POMZP3: variants seen among roughly 807,000 people sequenced by gnomAD.
POMZP3 encodes the protein POM121 and ZP3 fusion, also known as POM121 and ZP3 fusion protein.
A neutral mutation model predicts 19.8 loss-of-function variants in POMZP3; 10 were observed. The observed-to-expected ratio is 0.51, with a 90% CI of 0.31 to 0.86. The LOEUF (loss-of-function observed/expected upper bound fraction) is 0.86, where lower values mean the gene tolerates loss of function less well. Among genes scored for constraint, POMZP3 ranks in the 40% least tolerant of loss-of-function variants. POMZP3 has a pLI of 0.04. For synonymous variants in POMZP3, 57 were observed against 85.8 expected (o/e 0.66, Z 1.85); for missense variants, 152 against 228.1 (o/e 0.67, Z 2.15).
At chr7:76,625,200 C>T (rs1445325551) in intron 3 of POMZP3, among the ~76,000 whole-genome samples, 1 of 147,626 alleles carries the variant, frequency 6.8e-6, no homozygotes, top group South Asian at 2.2e-4. Flanking sequence ...CACAAAATTC[C>T]GACCAGAAGA....
intron 4 of POMZP3, among the ~76,000 whole-genome samples, chr7:76,614,877 A>T (rs1483583956): frequency 5.1e-5 from 5 of 98,894 alleles, no homozygotes; most frequent in South Asian, 7.7e-4. Context: ...AAAAAAAAAA[A>T]GTACACAGGG....
chr7:76,622,759 TG>T (rs1313845817), intron 3 of POMZP3, among the ~76,000 whole-genome samples: 2 of 151,914 alleles, frequency 1.3e-5, no homozygotes, highest in African/African-American at 2.4e-5. Context: ...CACTGCAGCC[TG>T]GAACTCCTGA....
intron 3 of POMZP3, among the ~76,000 whole-genome samples, chr7:76,620,794 A>C (rs933980998): frequency 2.7e-5 from 4 of 149,238 alleles, no homozygotes; most frequent in African/African-American, 9.9e-5. Flanking sequence ...ACATGTTCCA[A>C]GGGGCTGGGA....
rs1460873718 is a variant in POMZP3 at position 76,615,986 on chromosome 7, A to AC, written c.345+2196_345+2197insG. ...CAGAGACCCTCTCAAAAAAAAAAAA[A>AC]AAAGGGGGGGGGGGCAGGTGGCACG... On this transcript the variant is annotated intron_variant, in intron 4 of 6. Coordinates refer to ENST00000310842, the MANE Select transcript of POMZP3 (RefSeq NM_012230.5). Among the ~76,000 whole-genome samples, 5 of 61,710 alleles carry AC rather than the reference A, an allele frequency of 8.1e-5. 2 individuals are homozygous for AC. In the East Asian group the frequency reaches 1.8e-3, roughly 22 times the overall value. 40.5% of individuals were successfully genotyped at this position (61,710 alleles called of 152,430 possible). A position where few individuals can be genotyped will look rare whatever the true frequency, so the allele number is the denominator to read the frequency against.
At chr7:76,623,789 G>A (rs560590196) in intron 3 of POMZP3, among the ~76,000 whole-genome samples, 5 of 152,040 alleles carry the variant, frequency 3.3e-5, no homozygotes, top group African/African-American at 1.2e-4. Flanking sequence ...CTGACAGAGC[G>A]AGAATCCGCC....
At chr7:76,621,794 GC>G (rs1281654412) in intron 3 of POMZP3, among the ~76,000 whole-genome samples, 7 of 151,532 alleles carry the variant, frequency 4.6e-5, no homozygotes, top group Non-Finnish European at 8.8e-5. Flanking sequence ...CAAAAAAGTA[GC>G]CGGATATGGT....
In POMZP3 at chr7:76,622,374, G is replaced by GTT. The variant is rs757086256; in HGVS notation, c.227+3146_227+3147dup. Among the ~76,000 whole-genome samples the GTT allele has an allele frequency of 1.2e-3, 78 of 62,796 alleles. 1 individual carries two copies. The highest frequency in any genetic ancestry group is 2.8e-3 in the South Asian group (5 of 1,794). 41.2% of individuals were successfully genotyped at this position (62,796 alleles called of 152,430 possible). Reference sequence around the variant, plus strand: ...TTTCCTGTAACACTATCATTCTCAAGTTTTTTTTTTTTTTTTTTTTTTGAG... The same window carrying GTT: ...TTTCCTGTAACACTATCATTCTCAAGTTTTTTTTTTTTTTTTTTTTTTTTGAG... On this transcript the variant is annotated intron_variant, in intron 3 of 6. Coordinates refer to ENST00000310842, the MANE Select transcript of POMZP3 (RefSeq NM_012230.5).
intron 3 of POMZP3, among the ~76,000 whole-genome samples, chr7:76,624,023 T>G (rs1328624681): frequency 7.0e-6 from 1 of 142,838 alleles, no homozygotes; most frequent in African/African-American, 2.7e-5. Context: ...TGAGGATGTA[T>G]TTTTGGTAAA....
intron 3 of POMZP3, among the ~76,000 whole-genome samples, chr7:76,618,943 A>G (rs572575406): frequency 4.1e-4 from 62 of 152,180 alleles, no homozygotes; most frequent in Middle Eastern, 3.4e-3. Context: ...GTGCACCACC[A>G]TGTCAGGCCG....
At chr7:76,624,666 G>T (rs572524094) in intron 3 of POMZP3, among the ~76,000 whole-genome samples, 1 of 146,452 alleles carries the variant, frequency 6.8e-6, no homozygotes, top group Non-Finnish European at 1.5e-5. Flanking sequence ...GGCTGGTCTC[G>T]AACTCCTGAC....
intron 6 of POMZP3, 113 bp downstream of exon 6, chr7:76,611,341 T>A (rs866847986): frequency 3.5e-6 from 4 of 1,153,942 alleles, no homozygotes; most frequent in Middle Eastern, 6.4e-4. Context: ...CAGGCCTAGG[T>A]ACAAACAGTT....
At position 76,626,211 on chromosome 7, in the gene POMZP3, G is replaced by T. The variant is rs752667364; in HGVS notation, c.-147C>A. 4.4e-4 allele frequency: 682 copies of T among 1,552,216 alleles called. 2 individuals carry two copies. Among genetic ancestry groups the T allele is most frequent in the Admixed American group, 1.0e-3 (53 of 51,198 alleles). ...ACAAACCGATCTGGTAAAGTCCCAC[G>T]ATCCCTGCAGAGAATGCGAGACAAA... On this transcript the variant is annotated 5_prime_UTR_variant, in exon 2 of 7. Coordinates refer to ENST00000310842, the MANE Select transcript of POMZP3 (RefSeq NM_012230.5).
intron 3 of POMZP3, among the ~76,000 whole-genome samples, chr7:76,621,609 C>T (rs1584350782): frequency 6.6e-6 from 1 of 151,790 alleles, no homozygotes; most frequent in Admixed American, 6.6e-5. Context: ...GGGAGGTTGG[C>T]ACAAGATGCA....
In POMZP3 at chr7:76,611,958, G is replaced by A. The variant is rs1459345434; in HGVS notation, c.346-145C>T. ...ACACACCTATAATCCCAGCACTTTGGGAGGCCAAGGCGGGTATATCACCTG... is the reference window on the plus strand; with the variant it reads ...ACACACCTATAATCCCAGCACTTTGAGAGGCCAAGGCGGGTATATCACCTG... On this transcript the variant is annotated intron_variant, in intron 4 of 6. Transcript: ENST00000310842. 19 of 1,469,230 alleles carry A rather than the reference G, an allele frequency of 1.3e-5. No individual in the cohort carries two copies. In the Admixed American group the frequency reaches 3.9e-4, roughly 30 times the overall value. 91.0% of individuals were successfully genotyped at this position (1,469,230 alleles called of 1,614,324 possible).
chr7:76,626,992 G>A lies in POMZP3; in HGVS notation c.-436C>T. ...TCCGTTGGCTGTCGACTTGGCCGGAGGCGAAGCGAACAGTGTTCGCCGATG... is the reference window on the plus strand; with the variant it reads ...TCCGTTGGCTGTCGACTTGGCCGGAAGCGAAGCGAACAGTGTTCGCCGATG... On this transcript the variant is annotated 5_prime_UTR_variant, in exon 1 of 7. Transcript: ENST00000310842. The A allele has an allele frequency of 1.5e-6, 2 of 1,374,216 alleles. No individual in the cohort carries two copies. The highest frequency in any genetic ancestry group is 1.5e-5 in the South Asian group (1 of 67,112). The allele number at this position is 1,374,216 out of a possible 1,614,324, so 85.1% of individuals were successfully genotyped here.
At chr7:76,615,946 C>T (rs1278299752) in intron 4 of POMZP3, among the ~76,000 whole-genome samples, 1 of 58,378 alleles carries the variant, frequency 1.7e-5, no homozygotes, top group Non-Finnish European at 3.1e-5. Context: ...GGCCACTGTA[C>T]TCCAGCCTGG....
chr7:76,613,473 T>C (rs1321745516), intron 4 of POMZP3, among the ~76,000 whole-genome samples: 1 of 109,378 alleles, frequency 9.1e-6, no homozygotes, highest in Non-Finnish European at 2.0e-5. Flanking sequence ...ACCCAGGGAA[T>C]AGTCAACTAC....
Position 76,626,228 on chromosome 7 carries a change from C to T in POMZP3, c.-151-13G>A. On this transcript the variant is annotated splice_polypyrimidine_tract_variant and intron_variant, in intron 1 of 6. Coordinates refer to ENST00000310842, the MANE Select transcript of POMZP3 (RefSeq NM_012230.5). ...AGTCCCACGATCCCTGCAGAGAATGCGAGACAAATCATGGAAACAAAGTAT... is the reference window on the plus strand; with the variant it reads ...AGTCCCACGATCCCTGCAGAGAATGTGAGACAAATCATGGAAACAAAGTAT... 6.5e-7 allele frequency: 1 copy of T among 1,533,066 alleles called. No homozygotes were observed. The allele number at this position is 1,533,066 out of a possible 1,614,324, so 95.0% of individuals were successfully genotyped here. A position where few individuals can be genotyped will look rare whatever the true frequency, so the allele number is the denominator to read the frequency against.
intron 3 of POMZP3, among the ~76,000 whole-genome samples, chr7:76,622,115 CTA>C (rs1362557848): frequency 8.3e-4 from 121 of 146,128 alleles, no homozygotes; most frequent in African/African-American, 2.9e-3. Flanking sequence ...GGAAGTTACC[CTA>C]TGTGGTCTAA....
Sources: allele counts gnomAD v4.1 joint callset (sites outside exome capture counted in the v4.1 genomes callset), GRCh38; gene constraint gnomAD v4.1.1; transcripts MANE v1.5; gene names NCBI Gene and HGNC (gene_info 2026-07-23, HGNC 2026-07-21).